The following FHIT variants were observed in gnomAD, a reference collection of about 807,000 sequenced individuals.
The protein encoded by FHIT is fragile histidine triad diadenosine triphosphatase.
A neutral mutation model predicts 17.9 loss-of-function variants in FHIT; 19 were observed. That is an observed-to-expected ratio of 1.06 (90% CI 0.74 to 1.56). The LOEUF (loss-of-function observed/expected upper bound fraction) is 1.56. Among genes scored for constraint, FHIT ranks in the 40% most tolerant of loss-of-function variants. The pLI is 0.00. For synonymous variants in FHIT, 81 were observed against 69.7 expected (o/e 1.16, Z -0.81); for missense variants, 248 against 189.2 (o/e 1.31, Z -1.82).
intron 8 of FHIT, among the ~76,000 whole-genome samples, chr3:59,766,450 A>G (rs1260903276): frequency 6.6e-6 from 1 of 152,194 alleles, no homozygotes; most frequent in Admixed American, 6.5e-5. Context: ...AATCCCGACT[A>G]GGATCTATTT....
chr3:61,233,516 A>C (rs2040156932), intron 1 of FHIT, among the ~76,000 whole-genome samples: 1 of 152,154 alleles, frequency 6.6e-6, no homozygotes, highest in Admixed American at 6.5e-5. Context: ...CACTGAGCTA[A>C]ATGCTGATTT....
chr3:60,540,258 T>C (rs535058761), intron 4 of FHIT, among the ~76,000 whole-genome samples: 2 of 152,316 alleles, frequency 1.3e-5, no homozygotes, highest in Middle Eastern at 3.4e-3. Context: ...ACCTTATGCA[T>C]CTTTTCATCA....
At chr3:60,760,526 T>C (rs1414400998) in intron 4 of FHIT, among the ~76,000 whole-genome samples, 2 of 152,210 alleles carry the variant, frequency 1.3e-5, no homozygotes, top group African/African-American at 4.8e-5. Flanking sequence ...CTGCCTTTCA[T>C]ATGAATCCAC....
At chr3:61,078,779 C>T (rs1175541146) in intron 2 of FHIT, among the ~76,000 whole-genome samples, 1 of 152,078 alleles carries the variant, frequency 6.6e-6, no homozygotes, top group Non-Finnish European at 1.5e-5. Flanking sequence ...ATAATCTGAA[C>T]AATATTAATA....
chr3:60,822,748 A>G (rs1701970877), intron 3 of FHIT, among the ~76,000 whole-genome samples: 1 of 152,166 alleles, frequency 6.6e-6, no homozygotes, highest in East Asian at 1.9e-4. Flanking sequence ...ATGCTAGGGC[A>G]AAGTGAAAGC....
At chr3:60,003,363 C>A (rs1365933067) in intron 7 of FHIT, among the ~76,000 whole-genome samples, 2 of 152,080 alleles carry the variant, frequency 1.3e-5, no homozygotes, top group Non-Finnish European at 2.9e-5. Context: ...AACTACTAGT[C>A]AAAAGTTTGT....
intron 5 of FHIT, among the ~76,000 whole-genome samples, chr3:60,301,301 G>A (rs1249010910): frequency 6.6e-6 from 1 of 152,108 alleles, no homozygotes; most frequent in Non-Finnish European, 1.5e-5. Flanking sequence ...GAGATAGTGT[G>A]TTTCACCATA....
intron 4 of FHIT, among the ~76,000 whole-genome samples, chr3:60,625,614 A>T (rs781825677): frequency 3.3e-5 from 5 of 152,152 alleles, no homozygotes; most frequent in African/African-American, 4.8e-5. Flanking sequence ...GGGTTTATAC[A>T]AATATTTATA....
intron 4 of FHIT, among the ~76,000 whole-genome samples, chr3:60,602,204 T>G (rs2038466621): frequency 1.3e-5 from 2 of 152,094 alleles, no homozygotes; most frequent in Non-Finnish European, 1.5e-5. Context: ...TGAGAAAAAT[T>G]TAATGATCAG....
chr3:59,922,456 C>T, intron 7 of FHIT, 42 bp from the exon 8 acceptor site: 2 of 1,536,568 alleles, frequency 1.3e-6, no homozygotes, highest in Non-Finnish European at 9.0e-7. Flanking sequence ...ATTATCTCCC[C>T]ATGTATTTTT....
At chr3:60,187,876 A>C (rs1311910044) in intron 5 of FHIT, among the ~76,000 whole-genome samples, 13 of 152,134 alleles carry the variant, frequency 8.5e-5, no homozygotes, top group Admixed American at 8.5e-4. Flanking sequence ...TTTATGGTTA[A>C]AATTGTGCTT....
chr3:60,156,457 A>G (rs148735996), intron 5 of FHIT, among the ~76,000 whole-genome samples: 210 of 152,028 alleles, frequency 1.4e-3, no homozygotes, highest in African/African-American at 4.8e-3. Flanking sequence ...AATTTAAAAC[A>G]AAACAAAATG....
chr3:60,871,815 GTATTTATT>G lies in FHIT; in HGVS notation c.-110-49812_-110-49805del, dbSNP rs771211120. 2.6e-5 allele frequency among the ~76,000 whole-genome samples: 4 copies of G among 151,752 alleles called. No homozygotes were observed. In the East Asian group the frequency reaches 5.8e-4, roughly 22 times the overall value. Reference sequence around the variant, plus strand: ...TACCCAGATTTTTTATTTTTTGAATGTATTTATTTATTTATTTATTTATTTTTTGTAGA... The same window carrying G: ...TACCCAGATTTTTTATTTTTTGAATGTATTTATTTATTTATTTTTTGTAGA... On this transcript the variant is annotated intron_variant, in intron 3 of 9. Transcript: ENST00000492590.
At chr3:61,081,555 G>A (rs1449220546) in intron 2 of FHIT, among the ~76,000 whole-genome samples, 1 of 152,054 alleles carries the variant, frequency 6.6e-6, no homozygotes, top group Non-Finnish European at 1.5e-5. Flanking sequence ...ACTCAATTTG[G>A]TCAATTCAGG....
At chr3:60,213,920 C>T (rs1207443735) in intron 5 of FHIT, among the ~76,000 whole-genome samples, 3 of 152,132 alleles carry the variant, frequency 2.0e-5, no homozygotes, top group Non-Finnish European at 4.4e-5. Flanking sequence ...AAATGGAAAG[C>T]ATTTAACATA....
chr3:60,191,237 A>T (rs986716667), intron 5 of FHIT, among the ~76,000 whole-genome samples: 4 of 152,196 alleles, frequency 2.6e-5, no homozygotes, highest in Non-Finnish European at 4.4e-5. Flanking sequence ...ATAAAAAATT[A>T]AGAACAGAAT....
At chr3:59,956,158 A>T (rs1408122975) in intron 7 of FHIT, among the ~76,000 whole-genome samples, 1 of 152,186 alleles carries the variant, frequency 6.6e-6, no homozygotes. Context: ...TGTGTTGCTC[A>T]GGTCTTTAGT....
intron 4 of FHIT, among the ~76,000 whole-genome samples, chr3:60,578,158 G>C (rs1362393479): frequency 1.3e-5 from 2 of 152,112 alleles, no homozygotes; most frequent in African/African-American, 4.8e-5. Context: ...ACACTTTAGT[G>C]CCCAGTGTGG....
intron 7 of FHIT, among the ~76,000 whole-genome samples, chr3:59,938,529 C>T (rs145526017): frequency 8.6e-5 from 13 of 152,024 alleles, no homozygotes; most frequent in African/African-American, 3.1e-4. Context: ...GGGATTCCTG[C>T]CAAATGAGTA....
Sources: gnomAD v4.1 joint callset for allele counts (sites outside exome capture counted in the v4.1 genomes callset) on GRCh38, gnomAD v4.1.1 for gene constraint, MANE v1.5 for transcripts, NCBI Gene and HGNC (gene_info 2026-07-23, HGNC 2026-07-21) for gene names.